Variants in VWF observed in about 807,000 individuals in gnomAD.
VWF encodes Factor VIII related antigen.
A neutral mutation model predicts 308.6 loss-of-function variants in VWF; 176 were observed. That is an observed-to-expected ratio of 0.57 (90% CI 0.50 to 0.65). VWF has a LOEUF of 0.65. Ranked by LOEUF, VWF falls within the 30% of genes least tolerant of loss-of-function variation. The pLI is 0.00. For missense variants in VWF, 3,146 were observed against 3,648.2 expected, an observed-to-expected ratio of 0.86 and a Z score of 3.55; for synonymous variants, 1,385 against 1,443.4, an observed-to-expected ratio of 0.96 and a Z score of 0.92.
In VWF at chr12:6,011,715, T is replaced by C. The variant is rs532551665; in HGVS notation, c.5744A>G (p.His1915Arg). ...QPDGQTLLKS[H>R]RVNCDRGLRP... ...CAGCCCCCGGTCACAGTTGACCCGATGACTCTTCAGCAAGGTCTGGCCATC... is the reference window on the plus strand; with the variant it reads ...CAGCCCCCGGTCACAGTTGACCCGACGACTCTTCAGCAAGGTCTGGCCATC... The change falls in exon 34 of 52, where the codon CAT (histidine) becomes CGT (arginine). Residue 1915 changes from histidine (H) to arginine (R), a missense_variant. This residue lies in a region of VWF where 853 missense variants were observed against 1,177.8 expected (regional missense o/e 0.72). Transcript: ENST00000261405. 1 of 1,613,890 alleles carries C rather than the reference T, an allele frequency of 6.2e-7. No individual in the cohort carries two copies.
intron 5 of VWF, among the ~76,000 whole-genome samples, chr12:6,100,488 A>C (rs1336477065): frequency 1.3e-5 from 2 of 151,478 alleles, no homozygotes; most frequent in Admixed American, 6.6e-5. Flanking sequence ...ACTTGGAACC[A>C]ACCCAAATGT....
At chr12:6,012,490 T>C (rs2136404280) in intron 32 of VWF, among the ~76,000 whole-genome samples, 1 of 152,378 alleles carries the variant, frequency 6.6e-6, no homozygotes, top group Middle Eastern at 3.4e-3. Flanking sequence ...TGAAGATTCC[T>C]ACCAGGAGAG....
In VWF at chr12:5,976,187, G is replaced by C. The variant is rs200486416; in HGVS notation, c.7361C>G (p.Thr2454Ser). The change falls in exon 43 of 52, where the codon ACC becomes AGC. Residue 2454 changes from threonine to serine, a missense_variant. By Grantham distance (58) the Thr-to-Ser change is moderately conservative. Coordinates refer to ENST00000261405, the MANE Select transcript of VWF (RefSeq NM_000552.5). ...WEEGCDVCTC[T>S]DMEDAVMGLR... ...GCCCATCACGGCATCCTCCATGTCG[G>C]TGCAGGTGCACACATCGCAGCCCTC... is the stretch of plus-strand genomic sequence containing the variant. 1 of 1,614,144 alleles carries C rather than the reference G, an allele frequency of 6.2e-7. No homozygotes were observed. Among genetic ancestry groups the C allele is most frequent in the Admixed American group, 1.7e-5 (1 of 60,016 alleles).
chr12:6,097,688 T>C (rs140313418), intron 5 of VWF, among the ~76,000 whole-genome samples: 3 of 152,262 alleles, frequency 2.0e-5, no homozygotes, highest in Admixed American at 6.5e-5. Flanking sequence ...CATGAAAGAA[T>C]AAATTTCAGT....
intron 3 of VWF, among the ~76,000 whole-genome samples, chr12:6,120,688 T>A (rs1945419950): frequency 6.6e-6 from 1 of 152,146 alleles, no homozygotes; most frequent in Non-Finnish European, 1.5e-5. Flanking sequence ...AAAACTGGGA[T>A]GACTACAGCT....
intron 6 of VWF, among the ~76,000 whole-genome samples, chr12:6,085,800 T>C (rs1056769302): frequency 6.6e-6 from 1 of 152,056 alleles, no homozygotes; most frequent in Non-Finnish European, 1.5e-5. Context: ...AAAACCTAAA[T>C]GATGGGTTGA....
Position 6,123,909 on chromosome 12 carries a change from C to G in VWF, c.-1+512G>C, listed in dbSNP as rs555581712. Among the ~76,000 whole-genome samples the G allele has an allele frequency of 2.6e-5, 4 of 152,218 alleles. No homozygotes were observed. The East Asian group carries it at 7.7e-4, about 29-fold the overall frequency. On this transcript the variant is annotated intron_variant, in intron 1 of 51. Transcript: ENST00000261405. The stretch of plus-strand genomic sequence containing the variant: ...AGCGTACCCCAAGTCACTTAGAGCC[C>G]CTGCTGTAGCCCCTCTCCTCGGGAA...
At chr12:6,087,941 C>G (rs563999943) in intron 6 of VWF, among the ~76,000 whole-genome samples, 1 of 152,012 alleles carries the variant, frequency 6.6e-6, no homozygotes, top group Non-Finnish European at 1.5e-5. Context: ...AGAGACTGAT[C>G]GCCTTGAGGA....
At chr12:6,094,883 T>TTTC (rs1221878711) in intron 6 of VWF, among the ~76,000 whole-genome samples, 2 of 118,706 alleles carry the variant, frequency 1.7e-5, no homozygotes, top group African/African-American at 9.4e-5. Flanking sequence ...CAGCTAATTT[T>TTTC]TTTTTTTTTT....
In VWF at chr12:6,011,764, A is replaced by G. The variant is rs559785610; in HGVS notation, c.5695T>C (p.Cys1899Arg). The change falls in exon 34 of 52, where the codon TGC becomes CGC. Residue 1899 changes from cysteine to arginine, a missense_variant. Physicochemically the swap from Cys to Arg is radical, Grantham distance 180. Transcript: ENST00000261405. ...PGDVWTLPDQ[C>R]HTVTCQPDGQ... ...TCTGGCTGGCAAGTCACGGTGTGGC[A>G]CTGGTCTGGCAAGGTCCAGACGTCC... 1 of 1,613,204 alleles carries G rather than the reference A, an allele frequency of 6.2e-7. No individual in the cohort carries two copies. The highest frequency in any genetic ancestry group is 1.3e-5 in the African/African-American group (1 of 74,976).
chr12:6,074,815 T>C (rs1007296082), intron 7 of VWF, among the ~76,000 whole-genome samples: 1 of 152,118 alleles, frequency 6.6e-6, no homozygotes, highest in Non-Finnish European at 1.5e-5. Flanking sequence ...CCATTGAGAC[T>C]GGAAGATGAA....
At chr12:5,953,232 G>GA (rs946429924) in intron 48 of VWF, among the ~76,000 whole-genome samples, 10 of 146,532 alleles carry the variant, frequency 6.8e-5, no homozygotes, top group African/African-American at 2.0e-4. Flanking sequence ...TCTCAAGAAA[G>GA]AAAAAAAAAA....
intron 6 of VWF, among the ~76,000 whole-genome samples, chr12:6,087,119 T>TA (rs1944981537): frequency 6.6e-6 from 1 of 152,160 alleles, no homozygotes; most frequent in African/African-American, 2.4e-5. Flanking sequence ...AATCTGAGGC[T>TA]ATTCAGTGAC....
At chr12:6,016,963 C>G in intron 28 of VWF, 93 bp from the exon 29 acceptor site, 1 of 1,380,622 alleles carries the variant, frequency 7.2e-7, no homozygotes, top group Non-Finnish European at 1.0e-6. Context: ...ATCTGCAGGG[C>G]GTGCTGACCA....
intron 34 of VWF, among the ~76,000 whole-genome samples, chr12:6,005,786 G>A (rs184742545): frequency 9.1e-4 from 138 of 152,160 alleles, no homozygotes; most frequent in African/African-American, 3.2e-3. Context: ...AAAATAGAGG[G>A]GAAATAAAGA....
At chr12:6,016,012 C>T in intron 31 of VWF, 77 bp downstream of exon 31, 2 of 1,594,096 alleles carry the variant, frequency 1.3e-6, no homozygotes, top group South Asian at 2.2e-5. Flanking sequence ...CCAAAAGTAA[C>T]CCCAGCCCAC....
rs74056791 is a variant in VWF at position 6,034,974 on chromosome 12, G to T, written c.2547-148C>A. 1.3e-5 allele frequency: 13 copies of T among 978,604 alleles called. No individual in the cohort carries two copies. The Admixed American group carries it at 1.4e-4, about 10-fold the overall frequency. The allele number at this position is 978,604 out of a possible 1,614,324, so 60.6% of individuals were successfully genotyped here. A position where few individuals can be genotyped will look rare whatever the true frequency, so the allele number is the denominator to read the frequency against. ...CAAGGAAGTTGAGGACCTGTAGCGTGGAGTGTGGACTTCATAGGCCCAGTA... is the reference window on the plus strand; with the variant it reads ...CAAGGAAGTTGAGGACCTGTAGCGTTGAGTGTGGACTTCATAGGCCCAGTA... On this transcript the variant is annotated intron_variant, in intron 19 of 51. Coordinates refer to ENST00000261405, the MANE Select transcript of VWF (RefSeq NM_000552.5).
chr12:6,042,459 G>A (rs747406590), intron 18 of VWF, among the ~76,000 whole-genome samples: 1 of 152,210 alleles, frequency 6.6e-6, no homozygotes, highest in Non-Finnish European at 1.5e-5. Flanking sequence ...CGTGCTGCAG[G>A]CGGCACGCTG....
intron 47 of VWF, among the ~76,000 whole-genome samples, chr12:5,963,618 A>G (rs1335147025): frequency 1.3e-5 from 2 of 152,162 alleles, no homozygotes; most frequent in Non-Finnish European, 2.9e-5. Context: ...TCTGGCCCCT[A>G]CTTGGCACCC....
Sources: gnomAD v4.1 joint callset for allele counts (sites outside exome capture counted in the v4.1 genomes callset) on GRCh38, gnomAD v4.1.1 for gene constraint, gnomAD v4.1.1 regional missense constraint, MANE v1.5 for transcripts, NCBI Gene and HGNC (gene_info 2026-07-23, HGNC 2026-07-21) for gene names.